Variants in GPR155 observed in about 807,000 individuals in gnomAD.
The protein encoded by GPR155 is G protein-coupled receptor 155.
Under a neutral mutation model 93.1 loss-of-function variants are expected in GPR155, and 65 were observed. The ratio of observed to expected loss-of-function variants is 0.70; its 90% CI spans 0.57 to 0.86. The LOEUF is 0.86. Ranked by LOEUF, GPR155 falls within the 40% of genes least tolerant of loss-of-function variation. GPR155 has a pLI of 0.00. For missense variants in GPR155, 838 were observed against 1,034.8 expected (o/e 0.81, Z 2.61); for synonymous variants, 319 against 360.1 (o/e 0.89, Z 1.29).
chr2:174,455,258 G>A (rs962916933), intron 10 of GPR155, among the ~76,000 whole-genome samples: 13 of 152,124 alleles, frequency 8.5e-5, no homozygotes, highest in East Asian at 1.9e-4. Flanking sequence ...AGTGAGCTTC[G>A]GTTTTAAAGG....
intron 13 of GPR155, among the ~76,000 whole-genome samples, chr2:174,442,660 A>G (rs1687000834): frequency 6.6e-6 from 1 of 152,210 alleles, no homozygotes. Context: ...TGTGAGTGTC[A>G]AGGCAAATGC....
chr2:174,445,435 A>G (rs990046799), intron 12 of GPR155: 11 of 278,942 alleles, frequency 3.9e-5, no homozygotes, highest in African/African-American at 4.4e-5. Flanking sequence ...AGAAGCTTAC[A>G]TAATGTATCA....
chr2:174,436,756 A>AT (rs1234331146), intron 15 of GPR155, among the ~76,000 whole-genome samples: 2 of 152,238 alleles, frequency 1.3e-5, no homozygotes, highest in African/African-American at 4.8e-5. Context: ...AATATGACAT[A>AT]TTTTATAATT....
chr2:174,480,699 T>C (rs576416526), intron 2 of GPR155, among the ~76,000 whole-genome samples: 3 of 152,094 alleles, frequency 2.0e-5, no homozygotes, highest in Admixed American at 6.5e-5. Flanking sequence ...GCTCTCACCA[T>C]TTTTTTTCTT....
At chr2:174,463,860 T>C (rs2105713025) in intron 7 of GPR155, among the ~76,000 whole-genome samples, 1 of 152,356 alleles carries the variant, frequency 6.6e-6, no homozygotes, top group East Asian at 1.9e-4. Flanking sequence ...ATTGTCCAGA[T>C]TAAATAACAC....
rs767850873 is a variant in GPR155 at position 174,436,297 on chromosome 2, T to C, written c.2432A>G (p.Gln811Arg). 9.9e-6 allele frequency: 16 copies of C among 1,614,044 alleles called. No homozygotes were observed. In the Admixed American group the frequency reaches 2.7e-4, roughly 27 times the overall value. The change falls in exon 16 of 16, where the codon CAA becomes CGA. Residue 811 changes from glutamine (Q) to arginine (R), a missense_variant. Gln to Arg is a conservative substitution (Grantham distance 43). Around this residue, in one of 3 missense-constraint regions of GPR155, gnomAD observed 146 missense variants for 177.5 expected, o/e 0.82. Coordinates refer to ENST00000392552, the MANE Select transcript of GPR155 (RefSeq NM_152529.7). ...EAVIYGDRLVQGGVIQHITNE... is the reference protein window; with the variant it reads ...EAVIYGDRLVRGGVIQHITNE... ...GGTAATATGTTGGATGACTCCCCCT[T>C]GTACCAGCCTGTCTCCGTATATCAC...
chr2:174,457,654 A>G (rs1402638275), intron 10 of GPR155, among the ~76,000 whole-genome samples: 1 of 152,054 alleles, frequency 6.6e-6, no homozygotes, highest in Non-Finnish European at 1.5e-5. Context: ...ATGGTGTTTC[A>G]CCATGTTAGC....
At chr2:174,449,907 C>T (rs977208196) in intron 11 of GPR155, among the ~76,000 whole-genome samples, 6 of 152,086 alleles carry the variant, frequency 3.9e-5, no homozygotes, top group Admixed American at 3.3e-4. Context: ...ACCTGGGAGG[C>T]GGAGGTTGCA....
chr2:174,445,041 G>T, intron 13 of GPR155, 40 bp downstream of exon 13: 1 of 984,950 alleles, frequency 1.0e-6, no homozygotes, highest in Non-Finnish European at 1.6e-6. Flanking sequence ...AACCTATCCA[G>T]GAAGACAAAA....
intron 11 of GPR155, among the ~76,000 whole-genome samples, chr2:174,452,642 G>T (rs1331584416): frequency 2.0e-5 from 3 of 147,186 alleles, no homozygotes; most frequent in Admixed American, 2.0e-4. Flanking sequence ...TAGTCAAAAG[G>T]TTATTACTTT....
In GPR155 at chr2:174,473,398, A is replaced by T. The variant is rs765393710; in HGVS notation, c.461-34T>A. Reference sequence around the variant, plus strand: ...CAAGAATATTGATTTTTAAATGATGACCACAGAAATACAGATATATGTTAT... The same window carrying T: ...CAAGAATATTGATTTTTAAATGATGTCCACAGAAATACAGATATATGTTAT... On this transcript the variant is annotated intron_variant, in intron 2 of 15. Transcript: ENST00000392552. 17 of 1,356,950 alleles carry T rather than the reference A, an allele frequency of 1.3e-5. No individual in the cohort carries two copies. The African/African-American group carries it at 2.4e-4, about 19-fold the overall frequency. The allele number at this position is 1,356,950 out of a possible 1,614,324, so 84.1% of individuals were successfully genotyped here.
In GPR155 at chr2:174,446,628, T is replaced by C. The variant is rs759641655; in HGVS notation, c.1996A>G (p.Ile666Val). 1.2e-6 allele frequency: 2 copies of C among 1,613,482 alleles called. No individual in the cohort carries two copies. The highest frequency in any genetic ancestry group is 2.2e-5 in the East Asian group (1 of 44,882). The change falls in exon 12 of 16, where the codon ATC (isoleucine) becomes GTC (valine). Residue 666 changes from isoleucine to valine, a missense_variant. Physicochemically the swap from Ile to Val is conservative, Grantham distance 29. Around this residue, in one of 3 missense-constraint regions of GPR155, gnomAD observed 663 missense variants for 790.1 expected, o/e 0.84. Transcript: ENST00000392552. ...ACCATTACAGCGAACAGGCCAATGA[T>C]GAGAAGTAAACACAGCAACACATGT... ...TRHVLLCLLL[I>V]IGLFANLSSC...
chr2:174,465,643 C>G, intron 7 of GPR155, 142 bp downstream of exon 7: 1 of 520,568 alleles, frequency 1.9e-6, no homozygotes, highest in Non-Finnish European at 3.5e-6. Flanking sequence ...TGCCGATGGC[C>G]TCTGTGGGTG....
intron 11 of GPR155, among the ~76,000 whole-genome samples, chr2:174,453,466 C>G (rs6747448): frequency 0.047 from 7,112 of 151,970 alleles, 549 homozygotes; most frequent in African/African-American, 0.16. Context: ...CGAGACCATC[C>G]TGGCTAACAC....
chr2:174,451,325 AAT>A (rs199697210), intron 11 of GPR155, among the ~76,000 whole-genome samples: 58 of 113,912 alleles, frequency 5.1e-4, no homozygotes, highest in South Asian at 8.5e-4. Flanking sequence ...AAAAAAAAAA[AAT>A]TTTTTATACA....
At chr2:174,442,702 A>G (rs1687002179) in intron 13 of GPR155, among the ~76,000 whole-genome samples, 1 of 139,622 alleles carries the variant, frequency 7.2e-6, no homozygotes, top group Non-Finnish European at 1.7e-5. Context: ...AGGTTAGGAC[A>G]ATTTAAAGAC....
chr2:174,465,160 C>T (rs1240830290), intron 7 of GPR155, among the ~76,000 whole-genome samples: 1 of 152,206 alleles, frequency 6.6e-6, no homozygotes, highest in Non-Finnish European at 1.5e-5. Context: ...CAGTCTTTCT[C>T]ACTGGGTCCT....
chr2:174,460,565 C>T (rs1035172741), intron 9 of GPR155, among the ~76,000 whole-genome samples: 1 of 152,236 alleles, frequency 6.6e-6, no homozygotes, highest in Non-Finnish European at 1.5e-5. Context: ...ATGTAAGTTA[C>T]TTGGAGAGAA....
At chr2:174,454,938 G>A (rs1687468541) in intron 10 of GPR155, among the ~76,000 whole-genome samples, 1 of 152,086 alleles carries the variant, frequency 6.6e-6, no homozygotes, top group African/African-American at 2.4e-5. Flanking sequence ...GCAGGTAGGG[G>A]GTGGCAGGGA....
Sources: gnomAD v4.1 joint callset for allele counts (sites outside exome capture counted in the v4.1 genomes callset) on GRCh38, gnomAD v4.1.1 for gene constraint, gnomAD v4.1.1 regional missense constraint, MANE v1.5 for transcripts, NCBI Gene and HGNC (gene_info 2026-07-23, HGNC 2026-07-21) for gene names.